The following CCDC7 variants were observed in gnomAD, a reference collection of about 807,000 sequenced individuals.
CCDC7 encodes the protein coiled-coil domain containing 7.
A neutral mutation model predicts 196.9 loss-of-function variants in CCDC7; 183 were observed. The observed-to-expected ratio is 0.93, with a 90% CI of 0.82 to 1.05. CCDC7 has a LOEUF of 1.05. CCDC7 is among the 50% of genes least tolerant of loss of function. CCDC7 has a pLI of 0.00. For synonymous variants in CCDC7, 525 were observed against 484.6 expected (o/e 1.08, Z -1.10); for missense variants, 1,540 against 1,482.2 (o/e 1.04, Z -0.64).
intron 28 of CCDC7, among the ~76,000 whole-genome samples, chr10:32,730,492 A>C (rs993594384): frequency 3.3e-5 from 5 of 151,978 alleles, no homozygotes; most frequent in African/African-American, 1.2e-4. Flanking sequence ...TAATAAGAAA[A>C]AATAAGGAAA....
At chr10:32,828,336 C>T (rs1593201409) in intron 32 of CCDC7, among the ~76,000 whole-genome samples, 2 of 151,266 alleles carry the variant, frequency 1.3e-5, no homozygotes, top group East Asian at 3.9e-4. Flanking sequence ...GAGACTGTTC[C>T]CTGGGCCATG....
chr10:32,563,921 C>T (rs1447849807), intron 13 of CCDC7, among the ~76,000 whole-genome samples: 5 of 152,016 alleles, frequency 3.3e-5, no homozygotes, highest in Admixed American at 1.3e-4. Flanking sequence ...GGCTAATATC[C>T]AGAATCTACA....
chr10:32,592,922 G>A (rs2137911087), intron 18 of CCDC7, among the ~76,000 whole-genome samples: 1 of 152,198 alleles, frequency 6.6e-6, no homozygotes, highest in Admixed American at 6.5e-5. Flanking sequence ...GTGTATATGT[G>A]CCACATTTTC....
chr10:32,767,971 A>G (rs976883320), intron 28 of CCDC7, among the ~76,000 whole-genome samples: 6 of 152,136 alleles, frequency 3.9e-5, no homozygotes, highest in Admixed American at 2.0e-4. Flanking sequence ...TTCAATGGAC[A>G]TATACAAAAA....
chr10:32,606,837 T>G (rs879135675), intron 18 of CCDC7, among the ~76,000 whole-genome samples: 1 of 152,306 alleles, frequency 6.6e-6, no homozygotes, highest in Admixed American at 6.5e-5. Context: ...GACTTGGGAC[T>G]TTTGAGTTAA....
At position 32,592,315 on chromosome 10, in the gene CCDC7, AT is replaced by A. The variant is rs2059855095; in HGVS notation, c.1801+8013del. ...ATTCTTGATTTCATGGATTTTACCT[AT>A]TGTTTTTCTGTTTACTTCATTTATC... On this transcript the variant is annotated intron_variant, in intron 18 of 41. Transcript: ENST00000639629. Among the ~76,000 whole-genome samples, 4 of 151,750 alleles carry A rather than the reference AT, an allele frequency of 2.6e-5. No individual in the cohort carries two copies. In the South Asian group the frequency reaches 8.3e-4, roughly 32 times the overall value.
chr10:32,814,366 A>C lies in CCDC7; in HGVS notation c.3098-4A>C. On this transcript the variant is annotated splice_region_variant and splice_polypyrimidine_tract_variant and intron_variant, in intron 30 of 41. Transcript: ENST00000639629. Reference sequence around the variant, plus strand: ...AGTGTTTTGATACCTGTTTATTTCTATAGGGCCTGATATAGAACAATTGAC... The same window carrying C: ...AGTGTTTTGATACCTGTTTATTTCTCTAGGGCCTGATATAGAACAATTGAC... 6.3e-7 allele frequency: 1 copy of C among 1,579,794 alleles called. No homozygotes were observed. The highest frequency in any genetic ancestry group is 8.7e-7 in the Non-Finnish European group (1 of 1,149,712).
chr10:32,668,765 C>T (rs1261194886), intron 21 of CCDC7, among the ~76,000 whole-genome samples: 2 of 152,064 alleles, frequency 1.3e-5, no homozygotes, highest in East Asian at 1.9e-4. Context: ...CTGCTGGAAT[C>T]GGTTTGACAG....
chr10:32,729,316 AT>A lies in CCDC7; in HGVS notation c.2780-9del. The A allele has an allele frequency of 4.5e-6, 7 of 1,544,888 alleles. No individual in the cohort carries two copies. Among genetic ancestry groups the A allele is most frequent in the Admixed American group, 2.1e-5 (1 of 47,748 alleles). ...TATCCAGAAGTTCTATTGCACATCT[AT>A]TTTTTTCTATTTAGCGTTTCCTTTA... On this transcript the variant is annotated splice_polypyrimidine_tract_variant and intron_variant, in intron 27 of 41. Coordinates refer to ENST00000639629, the Ensembl canonical transcript of CCDC7.
At chr10:32,475,368 T>C (rs1357654555) in intron 8 of CCDC7, among the ~76,000 whole-genome samples, 1 of 152,236 alleles carries the variant, frequency 6.6e-6, no homozygotes, top group African/African-American at 2.4e-5. Context: ...TACCACTGTT[T>C]CATGTATTTT....
intron 28 of CCDC7, among the ~76,000 whole-genome samples, chr10:32,758,036 C>A (rs1229285096): frequency 6.6e-6 from 1 of 152,046 alleles, no homozygotes; most frequent in African/African-American, 2.4e-5. Context: ...TACACCCGCC[C>A]AAGACTAAAC....
chr10:32,810,416 G>A (rs905294640), intron 30 of CCDC7, among the ~76,000 whole-genome samples: 12 of 152,108 alleles, frequency 7.9e-5, no homozygotes, highest in Admixed American at 1.3e-4. Context: ...AATAAAAAGA[G>A]ATAAGGATAA....
chr10:32,748,733 G>A (rs1387279893), intron 28 of CCDC7, among the ~76,000 whole-genome samples: 1 of 152,110 alleles, frequency 6.6e-6, no homozygotes, highest in African/African-American at 2.4e-5. Flanking sequence ...TGGCTAGACG[G>A]GGCTGGAGTT....
At chr10:32,815,076 C>T (rs1488764809) in intron 31 of CCDC7, among the ~76,000 whole-genome samples, 1 of 152,022 alleles carries the variant, frequency 6.6e-6, no homozygotes, top group Non-Finnish European at 1.5e-5. Context: ...ACAACAACAA[C>T]AAGCAGCAAA....
At chr10:32,555,905 G>C (rs189813935) in intron 13 of CCDC7, among the ~76,000 whole-genome samples, 1 of 152,274 alleles carries the variant, frequency 6.6e-6, no homozygotes, top group African/African-American at 2.4e-5. Context: ...TCTGGGACAG[G>C]TGGGACTTCT....
At chr10:32,700,440 C>T (rs1364677119) in intron 24 of CCDC7, among the ~76,000 whole-genome samples, 2 of 151,386 alleles carry the variant, frequency 1.3e-5, no homozygotes, top group African/African-American at 4.9e-5. Context: ...CAGTACTATG[C>T]TCTTTTGGTT....
chr10:32,824,523 G>A (rs141120507), exon 32 of CCDC7: 59 of 1,603,292 alleles, frequency 3.7e-5, no homozygotes, highest in Non-Finnish European at 4.6e-5. Context: ...TATAGAGACT[G>A]ATGAACGATT....
chr10:32,664,516 C>G (rs2072217866), intron 21 of CCDC7, among the ~76,000 whole-genome samples: 2 of 152,014 alleles, frequency 1.3e-5, no homozygotes, highest in Admixed American at 6.6e-5. Flanking sequence ...CCATCAGCCT[C>G]TTATAACCAA....
At chr10:32,663,510 A>G (rs1006701803) in intron 20 of CCDC7, among the ~76,000 whole-genome samples, 1 of 151,992 alleles carries the variant, frequency 6.6e-6, no homozygotes, top group African/African-American at 2.4e-5. Flanking sequence ...TCTTTCTTCT[A>G]TTTCAATTTT....
Sources: gnomAD v4.1 joint callset for allele counts (sites outside exome capture counted in the v4.1 genomes callset) on GRCh38, gnomAD v4.1.1 for gene constraint, MANE v1.5 for transcripts, NCBI Gene and HGNC (gene_info 2026-07-23, HGNC 2026-07-21) for gene names.